The following SLC26A4 variants were observed in gnomAD, a reference collection of about 807,000 sequenced individuals.
The protein encoded by SLC26A4 is solute carrier family 26 member 4.
In SLC26A4, 93 loss-of-function variants were observed where a neutral mutation model predicts 90.4. The observed-to-expected ratio is 1.03, with a 90% CI of 0.87 to 1.22. The LOEUF is 1.22. Among genes scored for constraint, SLC26A4 ranks in the 50% most tolerant of loss-of-function variants. The pLI is 0.00. For synonymous variants in SLC26A4, 393 were observed against 354.6 expected (o/e 1.11, Z -1.22); for missense variants, 1,127 against 946.2 (o/e 1.19, Z -2.51).
rs1218962925 is a variant in SLC26A4, at chr7:107,701,118, T to C, written c.1725T>C (p.Ile575=). Reference sequence around the variant, plus strand: ...TTCCAAAGGTTGGATTTGATGCCATTAGAGTATATAATAAGAGGCTGAAAG... The same window carrying C: ...TTCCAAAGGTTGGATTTGATGCCATCAGAGTATATAATAAGAGGCTGAAAG... ...CIKSTVGFDA[I]RVYNKRLKAL... is the part of the protein sequence containing the mutation. The change falls in exon 16 of 21, where the codon ATT becomes ATC. Residue 575 remains isoleucine (I), a synonymous_variant. Transcript: ENST00000644269. 1.2e-6 allele frequency: 2 copies of C among 1,606,392 alleles called. No homozygotes were observed. Among genetic ancestry groups the C allele is most frequent in the African/African-American group, 2.7e-5 (2 of 74,774 alleles).
chr7:107,671,461 A>T (rs979619581), intron 3 of SLC26A4, among the ~76,000 whole-genome samples: 6 of 152,202 alleles, frequency 3.9e-5, no homozygotes, highest in Admixed American at 3.3e-4. Flanking sequence ...AGGCCTGACC[A>T]AGTTTTTAAT....
At chr7:107,686,110 T>G (rs958441116) in intron 8 of SLC26A4, among the ~76,000 whole-genome samples, 14 of 148,944 alleles carry the variant, frequency 9.4e-5, no homozygotes, top group South Asian at 2.1e-4. Context: ...TGTGTGTGGG[T>G]GTGTGTGTGT....
intron 4 of SLC26A4, among the ~76,000 whole-genome samples, chr7:107,672,895 A>T (rs1162332119): frequency 6.6e-6 from 1 of 152,220 alleles, no homozygotes; most frequent in Non-Finnish European, 1.5e-5. Flanking sequence ...TGTGACTTTG[A>T]CATTTATACT....
intron 18 of SLC26A4, among the ~76,000 whole-genome samples, chr7:107,707,170 G>A (rs1792057070): frequency 6.6e-6 from 1 of 152,140 alleles, no homozygotes; most frequent in Non-Finnish European, 1.5e-5. Flanking sequence ...TAACCAAGTG[G>A]CTGTAAACTG....
chr7:107,689,039 TAAA>T lies in SLC26A4; in HGVS notation c.1002-11_1002-9del. ...TCAAATCTTCACAGCATTTTTCACT[TAAA>T]AACTCACTAGGTTTTTGCCTCCTGA... On this transcript the variant is annotated splice_polypyrimidine_tract_variant and intron_variant, in intron 8 of 20. Transcript: ENST00000644269. The T allele has an allele frequency of 1.2e-6, 2 of 1,613,748 alleles. No individual in the cohort carries two copies. Among genetic ancestry groups the T allele is most frequent in the Non-Finnish European group, 1.7e-6 (2 of 1,179,702 alleles).
intron 10 of SLC26A4, among the ~76,000 whole-genome samples, chr7:107,692,358 G>A (rs536043761): frequency 1.3e-5 from 2 of 152,162 alleles, no homozygotes; most frequent in African/African-American, 2.4e-5. Context: ...GTGGCTTCTC[G>A]TGTTTTCTCT....
chr7:107,697,035 G>A (rs545005230), intron 13 of SLC26A4, among the ~76,000 whole-genome samples: 28 of 152,164 alleles, frequency 1.8e-4, no homozygotes, highest in Non-Finnish European at 3.5e-4. Flanking sequence ...CAAAAGGCTT[G>A]TGTTTTCTAC....
chr7:107,689,248 A>T, intron 9 of SLC26A4, 48 bp downstream of exon 9: 1 of 1,592,712 alleles, frequency 6.3e-7, no homozygotes, highest in Non-Finnish European at 8.6e-7. Flanking sequence ...TGGAAACAGG[A>T]AAAAAACATA....
At chr7:107,703,756 C>A (rs1791962442) in intron 17 of SLC26A4, among the ~76,000 whole-genome samples, 1 of 152,184 alleles carries the variant, frequency 6.6e-6, no homozygotes, top group Admixed American at 6.5e-5. Flanking sequence ...TTCTCAAATT[C>A]TCTTTTATTA....
intron 3 of SLC26A4, among the ~76,000 whole-genome samples, chr7:107,670,189 A>C (rs1790825458): frequency 6.6e-6 from 1 of 151,446 alleles, no homozygotes; most frequent in Non-Finnish European, 1.5e-5. Context: ...GGCTCACTGA[A>C]ACCTCCGCCT....
At chr7:107,705,459 A>T (rs1792014857) in intron 18 of SLC26A4, among the ~76,000 whole-genome samples, 1 of 152,226 alleles carries the variant, frequency 6.6e-6, no homozygotes, top group Non-Finnish European at 1.5e-5. Flanking sequence ...TATGCTCCTT[A>T]GCCAGGATTC....
intron 6 of SLC26A4, among the ~76,000 whole-genome samples, chr7:107,676,776 C>T (rs747947072): frequency 7.2e-5 from 11 of 152,196 alleles, no homozygotes; most frequent in South Asian, 2.1e-4. Context: ...TAATCCCATA[C>T]TATTACACTC....
At chr7:107,662,068 C>G (rs915930732) in intron 2 of SLC26A4, 72 of 550,018 alleles carry the variant, frequency 1.3e-4, no homozygotes, top group African/African-American at 1.3e-3. Flanking sequence ...GGAGCCCCGT[C>G]TCTCTTTTTC....
intron 4 of SLC26A4, among the ~76,000 whole-genome samples, chr7:107,673,772 A>G (rs1043362267): frequency 3.3e-5 from 5 of 152,088 alleles, no homozygotes; most frequent in Non-Finnish European, 7.4e-5. Flanking sequence ...TCTGTCACCT[A>G]GGCTGGAGTG....
At chr7:107,665,656 A>G (rs912853148) in intron 3 of SLC26A4, among the ~76,000 whole-genome samples, 6 of 152,098 alleles carry the variant, frequency 3.9e-5, no homozygotes, top group African/African-American at 1.5e-4. Flanking sequence ...GTTTTCATAG[A>G]CAAGTATCTT....
intron 17 of SLC26A4, 27 bp from the exon 18 acceptor site, chr7:107,704,303 GT>G: frequency 2.0e-6 from 2 of 1,025,586 alleles, no homozygotes; most frequent in Non-Finnish European, 3.1e-6. Flanking sequence ...GTTGTTAATT[GT>G]TACAAACTCT....
In SLC26A4 at chr7:107,661,584, C is replaced by T; in HGVS notation, c.-3-55C>T. ...TCTTTCTGTTCCTCGCTCTTCCCCT[C>T]CGATCGTCCTCGCTTACCGCGTGTC... On this transcript the variant is annotated intron_variant, in intron 1 of 20. Coordinates refer to ENST00000644269, the MANE Select transcript of SLC26A4 (RefSeq NM_000441.2). This position sits in a 1 kb window ranked among gnomAD's most constrained non-coding sequence, Gnocchi z 5.1. The T allele has an allele frequency of 6.6e-7, 1 of 1,522,572 alleles. No homozygotes were observed. Among genetic ancestry groups the T allele is most frequent in the South Asian group, 1.2e-5 (1 of 83,710 alleles). The allele number at this position is 1,522,572 out of a possible 1,614,324, so 94.3% of individuals were successfully genotyped here.
rs1791526545 is a variant in SLC26A4, at chr7:107,690,162, A to G, written c.1188A>G (p.Gly396=). ...IAFGISNIFS[G]FFSCFVATTA... The stretch of plus-strand genomic sequence containing the variant: ...TTGGGATCAGCAACATCTTCTCAGG[A>G]TTCTTCTCTTGTTTTGTGGCCACCA... The change falls in exon 10 of 21, where the codon GGA becomes GGG. Residue 396 remains glycine, a synonymous_variant. Transcript: ENST00000644269. 1 of 1,613,046 alleles carries G rather than the reference A, an allele frequency of 6.2e-7. No individual in the cohort carries two copies. Among genetic ancestry groups the G allele is most frequent in the African/African-American group, 1.3e-5 (1 of 74,832 alleles).
intron 5 of SLC26A4, among the ~76,000 whole-genome samples, chr7:107,674,593 T>C (rs760279152): frequency 4.6e-5 from 7 of 152,256 alleles, no homozygotes; most frequent in East Asian, 1.9e-4. Context: ...TGTGATTCAA[T>C]TGAGGATGAG....
Sources: gnomAD v4.1 joint callset for allele counts (sites outside exome capture counted in the v4.1 genomes callset) on GRCh38, gnomAD v4.1.1 for gene constraint, Gnocchi (gnomAD v3.1) non-coding constraint, MANE v1.5 for transcripts, NCBI Gene and HGNC (gene_info 2026-07-23, HGNC 2026-07-21) for gene names.